Variants in GFOD1 observed in about 807,000 individuals in gnomAD.
GFOD1 encodes the protein glucose-fructose oxidoreductase domain-containing protein 1.
In GFOD1, 9 loss-of-function variants were observed where a neutral mutation model predicts 25.4. That is an observed-to-expected ratio of 0.35 (90% CI 0.21 to 0.62). The LOEUF (loss-of-function observed/expected upper bound fraction) is 0.62, where lower values mean the gene tolerates loss of function less well. Among genes scored for constraint, GFOD1 ranks in the 20% least tolerant of loss-of-function variants. The pLI, the probability that GFOD1 is intolerant of heterozygous loss-of-function variation, is 0.72. For synonymous variants in GFOD1, 253 were observed against 245.6 expected (o/e 1.03, Z -0.28); for missense variants, 403 against 556.9 (o/e 0.72, Z 2.78).
chr6:13,369,274 A>G (rs890704219), intron 1 of GFOD1, among the ~76,000 whole-genome samples: 3 of 152,358 alleles, frequency 2.0e-5, no homozygotes, highest in Middle Eastern at 3.4e-3. Context: ...TTAACACACG[A>G]TATCTTCAAA....
At chr6:13,383,658 C>G (rs976377124) in intron 1 of GFOD1, among the ~76,000 whole-genome samples, 2 of 152,214 alleles carry the variant, frequency 1.3e-5, no homozygotes, top group Admixed American at 6.5e-5. Flanking sequence ...TGAGATGGCT[C>G]TCACGCCTTG....
chr6:13,424,779 G>C (rs1313113101), intron 1 of GFOD1, among the ~76,000 whole-genome samples: 2 of 151,864 alleles, frequency 1.3e-5, no homozygotes, highest in Non-Finnish European at 2.9e-5. Flanking sequence ...TTTTACAAAG[G>C]TTTTAAAAAC....
chr6:13,396,139 T>C (rs978671978), intron 1 of GFOD1, among the ~76,000 whole-genome samples: 7 of 152,264 alleles, frequency 4.6e-5, no homozygotes, highest in Non-Finnish European at 1.0e-4. Flanking sequence ...TCACTTCTGC[T>C]TCTACGTAGC....
chr6:13,381,945 A>G lies in GFOD1; in HGVS notation c.254-16283T>C, dbSNP rs150789031. Among the ~76,000 whole-genome samples, 1,188 of 151,542 alleles carry G rather than the reference A, an allele frequency of 7.8e-3. 11 individuals carry two copies. The highest frequency in any genetic ancestry group is 0.017 in the Middle Eastern group (5 of 292). On this transcript the variant is annotated intron_variant, in intron 1 of 1. Coordinates refer to ENST00000379287, the MANE Select transcript of GFOD1 (RefSeq NM_018988.4). Reference sequence around the variant, plus strand: ...CACACACACACACACACACACACACACACACACAAACTTGCTGACTGAAGC... The same window carrying G: ...CACACACACACACACACACACACACGCACACACAAACTTGCTGACTGAAGC...
Position 13,470,653 on chromosome 6 carries a change from AGAG to A in GFOD1, c.253+15982_253+15984del. On this transcript the variant is annotated intron_variant, in intron 1 of 1. Transcript: ENST00000379287. ...GTTCTGTTGGAAAGGGAGAAGAGAC[AGAG>A]AAGAGGAACACATCTCATTTTCTAC... 3 of 1,449,470 alleles carry A rather than the reference AGAG, an allele frequency of 2.1e-6. No individual in the cohort carries two copies. The South Asian group carries it at 4.4e-5, about 21-fold the overall frequency. 89.8% of individuals were successfully genotyped at this position (1,449,470 alleles called of 1,614,324 possible).
At chr6:13,399,757 A>AC (rs1785806003) in intron 1 of GFOD1, among the ~76,000 whole-genome samples, 1 of 152,238 alleles carries the variant, frequency 6.6e-6, no homozygotes, top group South Asian at 2.1e-4. Flanking sequence ...GAATGCACCA[A>AC]AAAGTCAACT....
chr6:13,454,453 C>A (rs1006624940), intron 1 of GFOD1, among the ~76,000 whole-genome samples: 3 of 152,202 alleles, frequency 2.0e-5, no homozygotes, highest in Admixed American at 6.5e-5. Context: ...CTTTGTTGGA[C>A]TGAAGAGCTA....
rs559829149 is a variant in GFOD1, at chr6:13,469,137, G to A, written c.253+17501C>T. ...TATGTAGGAGAGGGAGTTGGCCTGT[G>A]TCTCCTATTATGGCCCTCCAGAACA... On this transcript the variant is annotated intron_variant, in intron 1 of 1. Transcript: ENST00000379287. 12 of 547,232 alleles carry A rather than the reference G, an allele frequency of 2.2e-5. No homozygotes were observed. The South Asian group carries it at 8.0e-4, about 36-fold the overall frequency. 33.9% of individuals were successfully genotyped at this position (547,232 alleles called of 1,614,324 possible).
Position 13,487,079 on chromosome 6 carries a change from G to A in GFOD1, c.-189C>T. 2 of 657,128 alleles carry A rather than the reference G, an allele frequency of 3.0e-6. No individual in the cohort carries two copies. Among genetic ancestry groups the A allele is most frequent in the Non-Finnish European group, 5.1e-6 (2 of 392,264 alleles). The allele number at this position is 657,128 out of a possible 1,614,324, so 40.7% of individuals were successfully genotyped here. On this transcript the variant is annotated 5_prime_UTR_variant, in exon 1 of 2. Coordinates refer to ENST00000379287, the MANE Select transcript of GFOD1 (RefSeq NM_018988.4). The surrounding 1 kb of genome is among the most constrained non-coding windows in gnomAD (Gnocchi z 4.9). ...GAGCTGCAGGCGGAGCAAGCTCGGGGCGCCTCAGAACGGTGACTGCGGCAG... is the reference window on the plus strand; with the variant it reads ...GAGCTGCAGGCGGAGCAAGCTCGGGACGCCTCAGAACGGTGACTGCGGCAG...
intron 1 of GFOD1, among the ~76,000 whole-genome samples, chr6:13,448,286 T>C (rs974261523): frequency 5.3e-5 from 8 of 152,176 alleles, no homozygotes; most frequent in South Asian, 2.1e-4. Flanking sequence ...ATTTACCTGT[T>C]GTTTTGTAAG....
chr6:13,391,308 G>C (rs1368697994), intron 1 of GFOD1, among the ~76,000 whole-genome samples: 2 of 151,994 alleles, frequency 1.3e-5, no homozygotes, highest in Non-Finnish European at 2.9e-5. Context: ...AACCAGCCTG[G>C]CCAACATGGC....
At chr6:13,446,386 C>T (rs1035470790) in intron 1 of GFOD1, among the ~76,000 whole-genome samples, 3 of 152,112 alleles carry the variant, frequency 2.0e-5, no homozygotes, top group Admixed American at 6.5e-5. Flanking sequence ...TGTTAGAACC[C>T]GGGGGACCAC....
At chr6:13,378,812 G>T (rs1785304846) in intron 1 of GFOD1, among the ~76,000 whole-genome samples, 1 of 152,098 alleles carries the variant, frequency 6.6e-6, no homozygotes, top group African/African-American at 2.4e-5. Context: ...TCCTTGGAGG[G>T]ATAAAAACAC....
At chr6:13,419,888 G>A (rs1193679036) in intron 1 of GFOD1, among the ~76,000 whole-genome samples, 1 of 152,178 alleles carries the variant, frequency 6.6e-6, no homozygotes, top group Non-Finnish European at 1.5e-5. Flanking sequence ...CCACCCCATG[G>A]AGGCTGGCAC....
rs1226921409 is a variant in GFOD1 at position 13,362,153 on chromosome 6, C to T, written c.*2590G>A. 6.6e-6 allele frequency: 1 copy of T among 151,988 alleles called. No homozygotes were observed. The highest frequency in any genetic ancestry group is 1.9e-4 in the East Asian group (1 of 5,192). 9.4% of individuals were successfully genotyped at this position (151,988 alleles called of 1,614,324 possible). ...AATGTTTCCCCAAAAACTACTTTCCCAGGGAGCAATTTAGAAGAACCAGAA... is the reference window on the plus strand; with the variant it reads ...AATGTTTCCCCAAAAACTACTTTCCTAGGGAGCAATTTAGAAGAACCAGAA... On this transcript the variant is annotated 3_prime_UTR_variant, in exon 2 of 2. Coordinates refer to ENST00000379287, the MANE Select transcript of GFOD1 (RefSeq NM_018988.4).
chr6:13,372,602 C>T (rs892359705), intron 1 of GFOD1, among the ~76,000 whole-genome samples: 2 of 152,164 alleles, frequency 1.3e-5, no homozygotes, highest in African/African-American at 4.8e-5. Context: ...TTCCCATTCA[C>T]ACCTCTAGGG....
chr6:13,421,664 T>C (rs181748975), intron 1 of GFOD1, among the ~76,000 whole-genome samples: 159 of 152,246 alleles, frequency 1.0e-3, no homozygotes, highest in African/African-American at 3.5e-3. Context: ...CTGCAATCTT[T>C]ATTAGCCTTC....
chr6:13,445,941 T>C (rs1757995703), intron 1 of GFOD1, among the ~76,000 whole-genome samples: 1 of 152,150 alleles, frequency 6.6e-6, no homozygotes, highest in Non-Finnish European at 1.5e-5. Flanking sequence ...GTGGGCTAAA[T>C]GTGTCAACCT....
At chr6:13,455,969 T>C (rs374514415) in intron 1 of GFOD1, among the ~76,000 whole-genome samples, 4 of 152,262 alleles carry the variant, frequency 2.6e-5, no homozygotes, top group African/African-American at 9.6e-5. Flanking sequence ...TCAGACAAGA[T>C]TGCGGGGCAT....
Sources: allele counts gnomAD v4.1 joint callset (sites outside exome capture counted in the v4.1 genomes callset), GRCh38; gene constraint gnomAD v4.1.1; non-coding constraint Gnocchi (gnomAD v3.1); transcripts MANE v1.5; gene names NCBI Gene and HGNC (gene_info 2026-07-23, HGNC 2026-07-21).